GABRB3: variants seen among roughly 807,000 people sequenced by gnomAD.
The protein encoded by GABRB3 is gamma-aminobutyric acid type A receptor subunit beta3.
In GABRB3, 14 loss-of-function variants were observed where a neutral mutation model predicts 52.1. The observed-to-expected ratio is 0.27, with a 90% CI of 0.18 to 0.42. The LOEUF (loss-of-function observed/expected upper bound fraction) is 0.42. Among genes scored for constraint, GABRB3 ranks in the 10% least tolerant of loss-of-function variants. GABRB3 has a pLI of 1.00. For missense variants in GABRB3, 307 were observed against 609.1 expected (o/e 0.50, Z 5.22); for synonymous variants, 260 against 232.3 (o/e 1.12, Z -1.08).
At chr15:26,592,902 CT>C (rs1891258489) in intron 4 of GABRB3, among the ~76,000 whole-genome samples, 1 of 152,076 alleles carries the variant, frequency 6.6e-6, no homozygotes, top group African/African-American at 2.4e-5. Context: ...TTAGTCCCAG[CT>C]ACTTGGGAGG....
chr15:26,761,873 C>T (rs192535393), intron 3 of GABRB3, among the ~76,000 whole-genome samples: 40 of 152,278 alleles, frequency 2.6e-4, no homozygotes, highest in African/African-American at 7.5e-4. Flanking sequence ...TTCTCTCTGT[C>T]GCCCAGGCTG....
chr15:26,669,426 T>C (rs990614915), intron 3 of GABRB3, among the ~76,000 whole-genome samples: 1 of 152,182 alleles, frequency 6.6e-6, no homozygotes, highest in East Asian at 1.9e-4. Flanking sequence ...ATATAAGCTG[T>C]CCAAAGCACC....
intron 8 of GABRB3, among the ~76,000 whole-genome samples, chr15:26,554,917 C>T (rs529111704): frequency 3.5e-4 from 53 of 152,300 alleles, no homozygotes; most frequent in African/African-American, 1.1e-3. Flanking sequence ...CAGTGGCTCA[C>T]GCCTGTAATC....
intron 4 of GABRB3, among the ~76,000 whole-genome samples, chr15:26,595,364 C>T (rs1891360877): frequency 6.6e-6 from 1 of 152,170 alleles, no homozygotes; most frequent in Admixed American, 6.5e-5. Context: ...GCACTGGGAA[C>T]TAGGCTGCTG....
At chr15:26,754,874 C>T (rs1217160627) in intron 3 of GABRB3, among the ~76,000 whole-genome samples, 7 of 152,158 alleles carry the variant, frequency 4.6e-5, no homozygotes. Flanking sequence ...GTGTCATGCA[C>T]TCAAACACCC....
At chr15:26,553,484 T>C (rs1032360724) in intron 8 of GABRB3, 2 of 152,220 alleles carry the variant, frequency 1.3e-5, no homozygotes, top group Admixed American at 6.5e-5. Context: ...ACTAAATGGT[T>C]TGGGAATTAC....
At chr15:26,684,180 T>G (rs1888329353) in intron 3 of GABRB3, among the ~76,000 whole-genome samples, 1 of 152,126 alleles carries the variant, frequency 6.6e-6, no homozygotes, top group Non-Finnish European at 1.5e-5. Context: ...GGACGTCCCC[T>G]GAAGACCCTA....
chr15:26,770,278 G>A (rs1457946378), intron 3 of GABRB3, among the ~76,000 whole-genome samples: 1 of 152,114 alleles, frequency 6.6e-6, no homozygotes, highest in Admixed American at 6.5e-5. Flanking sequence ...GTTTATAATA[G>A]GTGTGTGTTT....
At chr15:26,558,993 C>T (rs1360436160) in intron 8 of GABRB3, among the ~76,000 whole-genome samples, 1 of 152,132 alleles carries the variant, frequency 6.6e-6, no homozygotes, top group African/African-American at 2.4e-5. Context: ...ATAATCATGG[C>T]AGAAGGTAAA....
chr15:26,564,275 T>C (rs915254047), intron 7 of GABRB3, among the ~76,000 whole-genome samples: 1 of 152,186 alleles, frequency 6.6e-6, no homozygotes, highest in Non-Finnish European at 1.5e-5. Flanking sequence ...ACCCAACCTG[T>C]ATTCACTGAG....
chr15:26,678,642 G>GA (rs1276779072), intron 3 of GABRB3, among the ~76,000 whole-genome samples: 8 of 152,152 alleles, frequency 5.3e-5, no homozygotes, highest in Admixed American at 1.3e-4. Context: ...CAGAGCAAGA[G>GA]AAACAGTAAG....
chr15:26,594,416 A>T (rs1891320987), intron 4 of GABRB3, among the ~76,000 whole-genome samples: 1 of 152,068 alleles, frequency 6.6e-6, no homozygotes, highest in Non-Finnish European at 1.5e-5. Context: ...TTTTTTTGAA[A>T]AGATTATTTC....
chr15:26,701,032 G>A (rs1888917138), intron 3 of GABRB3, among the ~76,000 whole-genome samples: 1 of 150,212 alleles, frequency 6.7e-6, no homozygotes. Flanking sequence ...TCCAGCCTGG[G>A]AGACAGAGCG....
rs1595352584 is a variant in GABRB3, at chr15:26,759,528, G to A, written c.240+12874C>T. 2.0e-5 allele frequency among the ~76,000 whole-genome samples: 3 copies of A among 152,262 alleles called. No individual in the cohort carries two copies. In the East Asian group the frequency reaches 5.8e-4, roughly 29 times the overall value. On this transcript the variant is annotated intron_variant, in intron 3 of 8. Transcript: ENST00000311550. ...CCCGCCTCGGCCTCCCAAAGTGCTG[G>A]GATTACAGGCATGAGCCACCGTGCC...
chr15:26,567,746 G>T lies in GABRB3; in HGVS notation c.683-13C>A. 6.2e-7 allele frequency: 1 copy of T among 1,613,378 alleles called. No individual in the cohort carries two copies. Among genetic ancestry groups the T allele is most frequent in the Non-Finnish European group, 8.5e-7 (1 of 1,179,804 alleles). Reference sequence around the variant, plus strand: ...CGAGGATAGGCACCTATGGGAAACAGACAAGGATATTACACTGGAGAAACA... The same window carrying T: ...CGAGGATAGGCACCTATGGGAAACATACAAGGATATTACACTGGAGAAACA... On this transcript the variant is annotated splice_polypyrimidine_tract_variant and intron_variant, in intron 6 of 8. Coordinates refer to ENST00000311550, the MANE Select transcript of GABRB3 (RefSeq NM_000814.6).
intron 3 of GABRB3, chr15:26,642,621 C>G (rs1893233021): frequency 3.2e-6 from 2 of 634,036 alleles, no homozygotes; most frequent in Non-Finnish European, 5.1e-6. Flanking sequence ...ATCCCCCCTC[C>G]TCTCTACCTG....
At chr15:26,725,654 A>G (rs1889751011) in intron 3 of GABRB3, among the ~76,000 whole-genome samples, 1 of 152,196 alleles carries the variant, frequency 6.6e-6, no homozygotes, top group Non-Finnish European at 1.5e-5. Context: ...GTTTGAGACC[A>G]TAAGAGTTTC....
At position 26,643,779 on chromosome 15, in the gene GABRB3, C is replaced by T. The variant is rs187337372; in HGVS notation, c.241-22245G>A. ...CCAACAAACACTACTGGTGACCCAC[C>T]ACCTGCCGTCATAGGGGAGACAATA... On this transcript the variant is annotated intron_variant, in intron 3 of 8. Coordinates refer to ENST00000311550, the MANE Select transcript of GABRB3 (RefSeq NM_000814.6). Among the ~76,000 whole-genome samples the T allele has an allele frequency of 8.0e-4, 122 of 152,272 alleles. 3 individuals carry two copies. Among genetic ancestry groups the T allele is most frequent in the Non-Finnish European group, 1.0e-4 (7 of 68,028 alleles).
At chr15:26,597,106 G>C (rs1891420589) in intron 4 of GABRB3, among the ~76,000 whole-genome samples, 1 of 152,232 alleles carries the variant, frequency 6.6e-6, no homozygotes, top group East Asian at 1.9e-4. Flanking sequence ...CATGAGGACA[G>C]AGCCATCATG....
Sources: gnomAD v4.1 joint callset for allele counts (sites outside exome capture counted in the v4.1 genomes callset) on GRCh38, gnomAD v4.1.1 for gene constraint, MANE v1.5 for transcripts, NCBI Gene and HGNC (gene_info 2026-07-23, HGNC 2026-07-21) for gene names.